The following CHRM5 variants were observed in gnomAD, a reference collection of about 807,000 sequenced individuals.
CHRM5 encodes the protein cholinergic receptor muscarinic 5, also known as muscarinic acetylcholine receptor M5.
A neutral mutation model predicts 39.0 loss-of-function variants in CHRM5; 18 were observed. The ratio of observed to expected loss-of-function variants is 0.46; its 90% CI spans 0.32 to 0.68. CHRM5 has a LOEUF of 0.68. Ranked by LOEUF, CHRM5 falls within the 30% of genes least tolerant of loss-of-function variation. The probability of loss-of-function intolerance (pLI) is 0.04; values close to 1 mark genes in which losing one functional copy is unlikely to be tolerated. For missense variants in CHRM5, 515 were observed against 651.1 expected (o/e 0.79, Z 2.28); for synonymous variants, 241 against 246.3 (o/e 0.98, Z 0.20).
chr15:34,016,260 G>A (rs941973355), intron 1 of CHRM5, among the ~76,000 whole-genome samples: 25 of 152,038 alleles, frequency 1.6e-4, no homozygotes, highest in African/African-American at 5.8e-4. Context: ...AAACAAAACC[G>A]GAAAGCAACT....
intron 1 of CHRM5, among the ~76,000 whole-genome samples, chr15:34,007,229 G>T (rs1394726006): frequency 6.6e-6 from 1 of 152,152 alleles, no homozygotes; most frequent in African/African-American, 2.4e-5. Flanking sequence ...TTAATGTTTT[G>T]CAGCTTTTCC....
intron 1 of CHRM5, among the ~76,000 whole-genome samples, chr15:34,041,685 T>G (rs764299260): frequency 2.0e-5 from 3 of 152,172 alleles, no homozygotes; most frequent in Admixed American, 6.5e-5. Flanking sequence ...AACACTTATT[T>G]TGCACCTGAT....
intron 1 of CHRM5, among the ~76,000 whole-genome samples, chr15:33,973,794 T>C (rs1051553175): frequency 9.2e-5 from 14 of 152,372 alleles, no homozygotes; most frequent in Admixed American, 5.2e-4. Flanking sequence ...CTAATTTATC[T>C]GTCTATTCCC....
chr15:34,043,336 T>A (rs1487213269), intron 1 of CHRM5, among the ~76,000 whole-genome samples: 2 of 152,110 alleles, frequency 1.3e-5, no homozygotes, highest in African/African-American at 4.8e-5. Flanking sequence ...AAATGCACTG[T>A]CCTCTTGCAA....
intron 2 of CHRM5, among the ~76,000 whole-genome samples, chr15:34,053,319 A>AAAAAATATATATATATAT (rs775436850): frequency 9.5e-5 from 4 of 42,092 alleles, no homozygotes; most frequent in African/African-American, 3.2e-4. Flanking sequence ...AAAAAAAAAA[A>AAAAAATATATATATATAT]ATATATATAT....
intron 1 of CHRM5, among the ~76,000 whole-genome samples, chr15:33,999,076 C>T (rs1306718911): frequency 6.6e-6 from 1 of 152,236 alleles, no homozygotes; most frequent in Non-Finnish European, 1.5e-5. Flanking sequence ...CCACCCTTCT[C>T]CAACCTGTTC....
At chr15:33,999,937 C>T (rs770928023) in intron 1 of CHRM5, among the ~76,000 whole-genome samples, 1 of 152,202 alleles carries the variant, frequency 6.6e-6, no homozygotes, top group Non-Finnish European at 1.5e-5. Flanking sequence ...CAATGGTCTA[C>T]AATACTACGC....
At chr15:34,059,091 T>G (rs1390434841) in intron 2 of CHRM5, among the ~76,000 whole-genome samples, 1 of 149,414 alleles carries the variant, frequency 6.7e-6, no homozygotes, top group Non-Finnish European at 1.5e-5. Flanking sequence ...GAGACAGGGT[T>G]TCATCATGTT....
At chr15:34,053,314 AAAAAAATAT>A (rs1380517858) in intron 2 of CHRM5, among the ~76,000 whole-genome samples, 2 of 108,254 alleles carry the variant, frequency 1.8e-5, no homozygotes, top group Admixed American at 1.1e-4. Flanking sequence ...AAAAAAAAAA[AAAAAAATAT>A]ATATATATAT....
intron 1 of CHRM5, among the ~76,000 whole-genome samples, chr15:34,006,458 GTATAAAACC>G (rs1416099264): frequency 6.6e-6 from 1 of 152,316 alleles, no homozygotes; most frequent in African/African-American, 2.4e-5. Flanking sequence ...TCTCCAGTCA[GTATAAAACC>G]TATAAAACCT....
At chr15:34,023,138 G>A (rs1014840163) in intron 1 of CHRM5, among the ~76,000 whole-genome samples, 3 of 151,962 alleles carry the variant, frequency 2.0e-5, no homozygotes, top group Non-Finnish European at 2.9e-5. Flanking sequence ...CTGAGATCGC[G>A]CCACTGCGCT....
At chr15:34,041,498 G>C (rs1241591957) in intron 1 of CHRM5, among the ~76,000 whole-genome samples, 12 of 152,188 alleles carry the variant, frequency 7.9e-5, no homozygotes. Context: ...TATCCCTTGA[G>C]AAGCCTCCAA....
At chr15:34,043,136 A>G (rs1426004573) in intron 1 of CHRM5, among the ~76,000 whole-genome samples, 2 of 151,856 alleles carry the variant, frequency 1.3e-5, no homozygotes, top group African/African-American at 4.8e-5. Context: ...AGTCCCAGCT[A>G]CTTGGGAGGC....
chr15:34,044,864 T>C lies in CHRM5; in HGVS notation c.-407-1676T>C, dbSNP rs143515163. Among the ~76,000 whole-genome samples, 6 of 152,212 alleles carry C rather than the reference T, an allele frequency of 3.9e-5. No homozygotes were observed. The East Asian group carries it at 9.7e-4, about 25-fold the overall frequency. On this transcript the variant is annotated intron_variant, in intron 1 of 2. Transcript: ENST00000383263. Reference sequence around the variant, plus strand: ...AGGAGATGGAGACCATCCTAGCTAATAGGGTGAAACCCCGTCTCTTAAAAA... The same window carrying C: ...AGGAGATGGAGACCATCCTAGCTAACAGGGTGAAACCCCGTCTCTTAAAAA...
chr15:34,038,656 GCGCCGGCGC>G, intron 1 of CHRM5: 1 of 941,444 alleles, frequency 1.1e-6, no homozygotes, highest in South Asian at 5.1e-5. Flanking sequence ...TCCCGCGCAG[GCGCCGGCGC>G]CGCCGCCCGT....
chr15:34,022,823 G>C (rs1342615435), intron 1 of CHRM5, among the ~76,000 whole-genome samples: 1 of 152,198 alleles, frequency 6.6e-6, no homozygotes, highest in East Asian at 1.9e-4. Flanking sequence ...GATTTCTCTT[G>C]GATTTTTGCT....
At chr15:33,981,767 G>A (rs1896155718) in intron 1 of CHRM5, among the ~76,000 whole-genome samples, 1 of 152,018 alleles carries the variant, frequency 6.6e-6, no homozygotes, top group Non-Finnish European at 1.5e-5. Flanking sequence ...AACACTGAAG[G>A]GCTATTTTGA....
chr15:34,025,824 T>C (rs539479630), intron 1 of CHRM5, among the ~76,000 whole-genome samples: 35 of 152,180 alleles, frequency 2.3e-4, no homozygotes, highest in African/African-American at 6.3e-4. Flanking sequence ...AGACAGGCAC[T>C]GGACCTGTCC....
intron 1 of CHRM5, among the ~76,000 whole-genome samples, chr15:34,040,236 T>A (rs1899411852): frequency 6.6e-6 from 1 of 152,014 alleles, no homozygotes; most frequent in Non-Finnish European, 1.5e-5. Flanking sequence ...TCTAGTCGTG[T>A]GAATAGATGA....
Sources: allele counts gnomAD v4.1 joint callset (sites outside exome capture counted in the v4.1 genomes callset), GRCh38; gene constraint gnomAD v4.1.1; transcripts MANE v1.5; gene names NCBI Gene and HGNC (gene_info 2026-07-23, HGNC 2026-07-21).